TASOR2: variants seen among roughly 807,000 people sequenced by gnomAD.
TASOR2 encodes transcription activation suppressor family member 2.
In TASOR2, 84 loss-of-function variants were observed where a neutral mutation model predicts 199.5. The observed-to-expected ratio is 0.42, with a 90% CI of 0.35 to 0.50. The LOEUF is 0.50. Ranked by LOEUF, TASOR2 falls within the 20% of genes least tolerant of loss-of-function variation. The pLI, the probability that TASOR2 is intolerant of heterozygous loss-of-function variation, is 0.02. For missense variants in TASOR2, 2,796 were observed against 2,835.9 expected (o/e 0.99, Z 0.32); for synonymous variants, 1,103 against 1,046.6 (o/e 1.05, Z -1.04).
At chr10:5,763,440 A>G (rs886580685) in exon 21 of TASOR2, 3 of 160,212 alleles carry the variant, frequency 1.9e-5, no homozygotes, top group African/African-American at 4.8e-5. Context: ...CCACCCTTGT[A>G]AAAACTATAA....
intron 1 of TASOR2, among the ~76,000 whole-genome samples, chr10:5,704,153 G>A (rs1439952325): frequency 1.3e-5 from 2 of 150,830 alleles, no homozygotes; most frequent in Admixed American, 1.3e-4. Flanking sequence ...GAACCTGGGA[G>A]GCGAAAGTTG....
rs143916954 is a variant in TASOR2 at position 5,719,725 on chromosome 10, G to A, written c.-99-819G>A. Reference sequence around the variant, plus strand: ...AATGGAAAATACTGCTGACTGTTCAGCAACCAGGACCAGCTGCCTGCTAAG... The same window carrying A: ...AATGGAAAATACTGCTGACTGTTCAACAACCAGGACCAGCTGCCTGCTAAG... On this transcript the variant is annotated intron_variant, in intron 3 of 20. Coordinates refer to ENST00000328090, the Ensembl canonical transcript of TASOR2. This position sits in a 1 kb window ranked among gnomAD's most constrained non-coding sequence, Gnocchi z 4.1. 8.7e-4 allele frequency among the ~76,000 whole-genome samples: 133 copies of A among 152,150 alleles called. No individual in the cohort carries two copies. Among genetic ancestry groups the A allele is most frequent in the African/African-American group, 3.1e-3 (130 of 41,506 alleles).
At chr10:5,704,404 C>T (rs974450769) in intron 1 of TASOR2, among the ~76,000 whole-genome samples, 4 of 151,954 alleles carry the variant, frequency 2.6e-5, no homozygotes, top group African/African-American at 7.3e-5. Context: ...CCTGTTTTCT[C>T]TATGATTTCA....
At chr10:5,726,082 A>G (rs1443100733) in intron 8 of TASOR2, among the ~76,000 whole-genome samples, 1 of 152,156 alleles carries the variant, frequency 6.6e-6, no homozygotes, top group Non-Finnish European at 1.5e-5. Flanking sequence ...AAAATGGTAT[A>G]TTTTATTTAG....
At chr10:5,756,383 A>T (rs1838947691) in intron 15 of TASOR2, among the ~76,000 whole-genome samples, 1 of 152,224 alleles carries the variant, frequency 6.6e-6, no homozygotes, top group Non-Finnish European at 1.5e-5. Context: ...TCTAAAAGAA[A>T]ATCAGCCTTT....
Position 5,700,794 on chromosome 10 carries a change from C to G in TASOR2, c.-287-12029C>G, listed in dbSNP as rs7906575. On this transcript the variant is annotated intron_variant, in intron 1 of 20. Transcript: ENST00000328090. ...AATTGGATTATTTGTGGGGGTGTGT[C>G]TGTGTGTGTGTGTGTGTGTGTTTGC... Among the ~76,000 whole-genome samples, 83 of 149,416 alleles carry G rather than the reference C, an allele frequency of 5.6e-4. 1 individual carries two copies. The South Asian group carries it at 0.016, about 29-fold the overall frequency.
intron 14 of TASOR2, among the ~76,000 whole-genome samples, chr10:5,744,714 C>T (rs1462062201): frequency 1.3e-5 from 2 of 152,000 alleles, no homozygotes; most frequent in Non-Finnish European, 2.9e-5. Context: ...AGACTGCAGC[C>T]TCCGCCTCCC....
intron 1 of TASOR2, among the ~76,000 whole-genome samples, chr10:5,692,226 A>G (rs1006975794): frequency 6.6e-6 from 1 of 151,788 alleles, no homozygotes; most frequent in African/African-American, 2.4e-5. Context: ...TATTATCTAC[A>G]TAGTAAATTT....
At chr10:5,734,822 G>GAAT (rs1345963895) in intron 11 of TASOR2, among the ~76,000 whole-genome samples, 5 of 132,416 alleles carry the variant, frequency 3.8e-5, no homozygotes, top group Non-Finnish European at 6.2e-5. Context: ...CCAGCCTCTC[G>GAAT]AATAGCTGGG....
Position 5,706,227 on chromosome 10 carries a change from C to G in TASOR2, c.-287-6596C>G, listed in dbSNP as rs1838585772. The stretch of plus-strand genomic sequence containing the variant: ...TGCATTTTCTTTGTATCATTACCAC[C>G]TTGTCTTGACTACTTTAGCTTTGTA... On this transcript the variant is annotated intron_variant, in intron 1 of 20. Transcript: ENST00000328090. This position sits in a 1 kb window ranked among gnomAD's most constrained non-coding sequence, Gnocchi z 4.8. Among the ~76,000 whole-genome samples the G allele has an allele frequency of 6.6e-6, 1 of 152,114 alleles. No homozygotes were observed. Among genetic ancestry groups the G allele is most frequent in the South Asian group, 2.1e-4 (1 of 4,818 alleles).
At chr10:5,700,794 CTGTGTGTG>C (rs145379583) in intron 1 of TASOR2, among the ~76,000 whole-genome samples, 1 of 149,326 alleles carries the variant, frequency 6.7e-6, no homozygotes, top group East Asian at 2.0e-4. Context: ...GGGGGTGTGT[CTGTGTGTG>C]TGTGTGTGTG....
chr10:5,737,387 A>G lies in TASOR2; in HGVS notation c.1447+1841A>G, dbSNP rs1403346546. Among the ~76,000 whole-genome samples the G allele has an allele frequency of 6.6e-6, 1 of 151,728 alleles. No individual in the cohort carries two copies. The highest frequency in any genetic ancestry group is 1.9e-4 in the East Asian group (1 of 5,152). The stretch of plus-strand genomic sequence containing the variant: ...TTTTAAAAGCTCATCATGTCATTCA[A>G]AAACCCATATGCTGCAGTTTTGGCT... On this transcript the variant is annotated intron_variant, in intron 12 of 20. Coordinates refer to ENST00000328090, the Ensembl canonical transcript of TASOR2. The surrounding 1 kb of genome is among the most constrained non-coding windows in gnomAD (Gnocchi z 4.9).
intron 7 of TASOR2, 51 bp downstream of exon 8, chr10:5,723,828 A>G (rs749316226): frequency 1.6e-6 from 2 of 1,255,390 alleles, no homozygotes; most frequent in South Asian, 2.9e-5. Context: ...TGTTCTGGTT[A>G]TTTTCTGCTC....
chr10:5,685,604 C>T lies in TASOR2; in HGVS notation c.-288+429C>T, dbSNP rs1316369083. The stretch of plus-strand genomic sequence containing the variant: ...TCGAGACTTCATGGCAATGCGCCAC[C>T]TTTTCTTTTTAGGGTAAAACAGGTC... On this transcript the variant is annotated intron_variant, in intron 1 of 20. Coordinates refer to ENST00000328090, the Ensembl canonical transcript of TASOR2. The surrounding 1 kb of genome is among the most constrained non-coding windows in gnomAD (Gnocchi z 5.4). Among the ~76,000 whole-genome samples, 1 of 152,172 alleles carries T rather than the reference C, an allele frequency of 6.6e-6. No homozygotes were observed. Among genetic ancestry groups the T allele is most frequent in the Non-Finnish European group, 1.5e-5 (1 of 68,034 alleles).
exon 15 of TASOR2, chr10:5,747,978 G>A (rs1837456209): frequency 1.2e-6 from 2 of 1,612,796 alleles, no homozygotes; most frequent in Non-Finnish European, 1.7e-6. Context: ...GAAAGGTGCA[G>A]TGCTATGGTA....
Position 5,685,302 on chromosome 10 carries a change from C to G in TASOR2, c.-288+127C>G, listed in dbSNP as rs1262742489. ...TCGACGCGTTCTCCTTGCCTTTTGC[C>G]GCGCTCCGGGTGAGGGGGTGGGAGG... On this transcript the variant is annotated intron_variant, in intron 1 of 20. Transcript: ENST00000328090. This position sits in a 1 kb window ranked among gnomAD's most constrained non-coding sequence, Gnocchi z 5.4. The G allele has an allele frequency of 7.6e-6, 3 of 396,248 alleles. No individual in the cohort carries two copies. Among genetic ancestry groups the G allele is most frequent in the Non-Finnish European group, 1.3e-5 (3 of 224,968 alleles). The allele number at this position is 396,248 out of a possible 1,614,324, so 24.5% of individuals were successfully genotyped here.
chr10:5,761,389 A>G (rs1839807970), exon 19 of TASOR2: 3 of 1,613,902 alleles, frequency 1.9e-6, no homozygotes, highest in Non-Finnish European at 2.5e-6. Flanking sequence ...ACTCTCGATC[A>G]TCAACAAAAG....
At chr10:5,727,893 C>T (rs1834261127) in intron 10 of TASOR2, among the ~76,000 whole-genome samples, 1 of 152,064 alleles carries the variant, frequency 6.6e-6, no homozygotes, top group Admixed American at 6.6e-5. Flanking sequence ...ATGCCAGGCA[C>T]CTATAAAATA....
At chr10:5,704,997 C>T (rs572534497) in intron 1 of TASOR2, among the ~76,000 whole-genome samples, 1 of 152,280 alleles carries the variant, frequency 6.6e-6, no homozygotes, top group South Asian at 2.1e-4. Flanking sequence ...AGCTCAACTT[C>T]ATTGAGGTCT....
Sources: gnomAD v4.1 joint callset for allele counts (sites outside exome capture counted in the v4.1 genomes callset) on GRCh38, gnomAD v4.1.1 for gene constraint, Gnocchi (gnomAD v3.1) non-coding constraint, MANE v1.5 for transcripts, NCBI Gene and HGNC (gene_info 2026-07-23, HGNC 2026-07-21) for gene names.